The following TATDN1 variants were observed in gnomAD, a reference collection of about 807,000 sequenced individuals.
The protein encoded by TATDN1 is TatD DNase domain containing 1.
Under a neutral mutation model 46.4 loss-of-function variants are expected in TATDN1, and 40 were observed. The ratio of observed to expected loss-of-function variants is 0.86; its 90% CI spans 0.67 to 1.12. The LOEUF (loss-of-function observed/expected upper bound fraction) is 1.12, where lower values mean the gene tolerates loss of function less well. TATDN1 is among the 50% of genes most tolerant of loss of function. The pLI, the probability that TATDN1 is intolerant of heterozygous loss-of-function variation, is 0.00. For synonymous variants in TATDN1, 95 were observed against 105.6 expected (o/e 0.90, Z 0.62); for missense variants, 326 against 348.4 (o/e 0.94, Z 0.51).
At chr8:124,519,408 C>T (rs1048419731) in intron 3 of TATDN1, among the ~76,000 whole-genome samples, 1 of 152,082 alleles carries the variant, frequency 6.6e-6, no homozygotes. Context: ...AGACTGACTA[C>T]AGAAAAAGAT....
chr8:124,495,998 C>T (rs1046017518), intron 9 of TATDN1, among the ~76,000 whole-genome samples: 5 of 152,210 alleles, frequency 3.3e-5, no homozygotes, highest in African/African-American at 1.2e-4. Flanking sequence ...TTCCTTGAAT[C>T]TGGCGTTGGC....
intron 1 of TATDN1, among the ~76,000 whole-genome samples, chr8:124,536,877 T>C (rs1204576121): frequency 6.6e-6 from 1 of 151,944 alleles, no homozygotes; most frequent in African/African-American, 2.4e-5. Flanking sequence ...ATAGAATGCA[T>C]AATATGATCT....
At chr8:124,518,698 G>C in intron 4 of TATDN1, 120 bp downstream of exon 4, 1 of 712,480 alleles carries the variant, frequency 1.4e-6, no homozygotes, top group East Asian at 2.5e-5. Context: ...ATTTAAATCA[G>C]TCCATTTTCC....
chr8:124,511,388 C>T (rs1434536376), intron 6 of TATDN1, among the ~76,000 whole-genome samples: 1 of 152,184 alleles, frequency 6.6e-6, no homozygotes, highest in Non-Finnish European at 1.5e-5. Flanking sequence ...AATTGCTCAT[C>T]TCTAGGGTCC....
intron 8 of TATDN1, among the ~76,000 whole-genome samples, chr8:124,507,699 C>G (rs537160353): frequency 6.6e-6 from 1 of 151,652 alleles, no homozygotes; most frequent in Non-Finnish European, 1.5e-5. Flanking sequence ...ATGGCTTGAT[C>G]CCGGGGAAGC....
chr8:124,492,767 A>AG (rs1817129225), intron 11 of TATDN1, among the ~76,000 whole-genome samples: 1 of 151,900 alleles, frequency 6.6e-6, no homozygotes, highest in Non-Finnish European at 1.5e-5. Flanking sequence ...AAAAAAAAAA[A>AG]AAAAAGATTT....
At chr8:124,535,116 A>AC (rs1194545094) in intron 1 of TATDN1, among the ~76,000 whole-genome samples, 2 of 152,168 alleles carry the variant, frequency 1.3e-5, no homozygotes, top group Admixed American at 1.3e-4. Context: ...CCAACTCTCT[A>AC]ATCACATGAT....
At chr8:124,493,788 G>A in intron 11 of TATDN1, 45 bp downstream of exon 11, 1 of 1,555,172 alleles carries the variant, frequency 6.4e-7, no homozygotes, top group Non-Finnish European at 8.6e-7. Context: ...GTGGCATCTG[G>A]TGGTTAACTA....
chr8:124,513,669 A>C (rs1819220256), intron 6 of TATDN1, among the ~76,000 whole-genome samples: 1 of 152,220 alleles, frequency 6.6e-6, no homozygotes. Flanking sequence ...GATTAATCCC[A>C]AAAGTGAGTT....
At chr8:124,538,763 T>G (rs1821727742) in intron 1 of TATDN1, among the ~76,000 whole-genome samples, 1 of 152,210 alleles carries the variant, frequency 6.6e-6, no homozygotes, top group East Asian at 1.9e-4. Context: ...CTGAATACAT[T>G]ACAGATGTTG....
At chr8:124,490,619 A>G (rs923534644) in intron 11 of TATDN1, among the ~76,000 whole-genome samples, 1 of 152,244 alleles carries the variant, frequency 6.6e-6, no homozygotes, top group African/African-American at 2.4e-5. Context: ...TTCTGTAGCC[A>G]AGCCATGCTA....
intron 3 of TATDN1, among the ~76,000 whole-genome samples, chr8:124,519,955 A>C (rs1819882211): frequency 6.6e-6 from 1 of 152,256 alleles, no homozygotes; most frequent in South Asian, 2.1e-4. Flanking sequence ...TTTGTAAAGC[A>C]TACTTCAAAA....
chr8:124,501,386 T>C (rs1389499170), intron 9 of TATDN1, among the ~76,000 whole-genome samples: 1 of 152,108 alleles, frequency 6.6e-6, no homozygotes, highest in Non-Finnish European at 1.5e-5. Flanking sequence ...GTTGCTGGAA[T>C]GCCTTCTAGA....
At chr8:124,516,676 A>G (rs1322954941) in intron 4 of TATDN1, among the ~76,000 whole-genome samples, 1 of 152,034 alleles carries the variant, frequency 6.6e-6, no homozygotes, top group Non-Finnish European at 1.5e-5. Context: ...TTTGTTTAAC[A>G]CCTATTCCTC....
chr8:124,522,392 T>C (rs1369088926), intron 2 of TATDN1, among the ~76,000 whole-genome samples, 192 bp from the exon 3 acceptor site: 3 of 152,192 alleles, frequency 2.0e-5, no homozygotes, highest in African/African-American at 7.2e-5. Flanking sequence ...TTTCACTTTG[T>C]TTACAGGTTT....
chr8:124,511,942 T>C (rs1819058591), intron 6 of TATDN1, among the ~76,000 whole-genome samples: 1 of 152,172 alleles, frequency 6.6e-6, no homozygotes, highest in African/African-American at 2.4e-5. Flanking sequence ...CCAAAGGCAG[T>C]TGTAAATCTC....
intron 8 of TATDN1, among the ~76,000 whole-genome samples, chr8:124,507,173 A>G (rs1471747941): frequency 2.0e-5 from 3 of 151,958 alleles, no homozygotes; most frequent in Non-Finnish European, 4.4e-5. Context: ...AAAAAAAAAA[A>G]TCACTGCCAT....
At chr8:124,536,923 T>C (rs1821475231) in intron 1 of TATDN1, among the ~76,000 whole-genome samples, 1 of 151,908 alleles carries the variant, frequency 6.6e-6, no homozygotes, top group African/African-American at 2.4e-5. Context: ...AAAACCTTGA[T>C]ATGTTGTATT....
At chr8:124,510,946 T>TA (rs759820818) in intron 6 of TATDN1, among the ~76,000 whole-genome samples, 27 of 151,942 alleles carry the variant, frequency 1.8e-4, no homozygotes, top group Non-Finnish European at 3.8e-4. Flanking sequence ...AGCCATGTGG[T>TA]AAAAAAAATT....
Sources: gnomAD v4.1 joint callset for allele counts (sites outside exome capture counted in the v4.1 genomes callset) on GRCh38, gnomAD v4.1.1 for gene constraint, MANE v1.5 for transcripts, NCBI Gene and HGNC (gene_info 2026-07-23, HGNC 2026-07-21) for gene names.